Variants in TRIM47 observed in about 807,000 individuals in gnomAD.
TRIM47 encodes tripartite motif containing 47.
A neutral mutation model predicts 54.4 loss-of-function variants in TRIM47; 46 were observed. That is an observed-to-expected ratio of 0.84 (90% CI 0.67 to 1.08). The LOEUF (loss-of-function observed/expected upper bound fraction) is 1.08. TRIM47 is among the 50% of genes least tolerant of loss of function. The pLI is 0.00. For missense variants in TRIM47, 825 were observed against 910.1 expected (o/e 0.91, Z 1.20); for synonymous variants, 392 against 410.2 (o/e 0.96, Z 0.54).
Position 75,876,255 on chromosome 17 carries a change from C to T in TRIM47, c.1002+7G>A, listed in dbSNP as rs763319267. 12 of 1,600,786 alleles carry T rather than the reference C, an allele frequency of 7.5e-6. No homozygotes were observed. Among genetic ancestry groups the T allele is most frequent in the Non-Finnish European group, 1.0e-5 (12 of 1,175,484 alleles). On this transcript the variant is annotated splice_region_variant and intron_variant, in intron 3 of 5. Transcript: ENST00000254816. ...GTTCCTTCCGTGGCCCCCAGAGCGG[C>T]CTTCACCTGCAGGAAGCTGACTGAG...
intron 1 of TRIM47, 142 bp downstream of exon 1, chr17:75,877,732 T>A: frequency 8.1e-7 from 1 of 1,242,172 alleles, no homozygotes; most frequent in Non-Finnish European, 1.0e-6. Context: ...TTGTCAAGGC[T>A]GGAAGGGACC....
Position 75,874,898 on chromosome 17 carries a change from T to A in TRIM47, c.1502A>T (p.Asp501Val). ...GTCGTAGGGCTCTTGTGGGGAGAAG[T>A]CTTCGGCCATGACCCCCATGCTGAC... is the stretch of plus-strand genomic sequence containing the variant. ...GWVSMGVMAEDFSPQEPYDRG... is the reference protein window; with the variant it reads ...GWVSMGVMAEVFSPQEPYDRG... Residue 501 changes from aspartate to valine, a missense_variant, in exon 6 of 6, where the codon GAC (aspartate) becomes GTC (valine). Transcript: ENST00000254816. The surrounding 1 kb of genome is among the most constrained non-coding windows in gnomAD (Gnocchi z 6.2). 6.2e-7 allele frequency: 1 copy of A among 1,614,038 alleles called. No homozygotes were observed. Among genetic ancestry groups the A allele is most frequent in the Non-Finnish European group, 8.5e-7 (1 of 1,179,972 alleles).
rs1366923654 is a variant in TRIM47, at chr17:75,876,335, T to C, written c.929A>G (p.Gln310Arg). 6.2e-7 allele frequency: 1 copy of C among 1,611,534 alleles called. No homozygotes were observed. The highest frequency in any genetic ancestry group is 1.7e-5 in the Admixed American group (1 of 60,002). Residue 310 changes from glutamine (Q) to arginine (R), a missense_variant, in exon 3 of 6, where the codon CAG becomes CGG. By Grantham distance (43) the Gln-to-Arg change is conservative. Transcript: ENST00000254816. ...SQGDLRRQEE[Q>R]RSRLSRARQN... ...GCGGGCTCGGCTCAGGCGGCTGCGC[T>C]GTTCCTCCTGTCGCCGCAGGTCACC...
Position 75,875,044 on chromosome 17 carries a change from C to T in TRIM47, c.1356G>A (p.Val452=). Residue 452 remains valine (V), a synonymous_variant, in exon 6 of 6, where the codon GTG becomes GTA. Coordinates refer to ENST00000254816, the MANE Select transcript of TRIM47 (RefSeq NM_033452.3). The surrounding 1 kb of genome is among the most constrained non-coding windows in gnomAD (Gnocchi z 6.1). ...ACAAGGGGTAGTTGATAGGACACAG[C>T]ACCCTCTTGACACCTTTGGTTCCAA... is the stretch of plus-strand genomic sequence containing the variant. The part of the protein sequence containing the change: ...QLFGTKGVKR[V]LCPINYPLSP... 1 of 1,613,824 alleles carries T rather than the reference C, an allele frequency of 6.2e-7. No homozygotes were observed. Among genetic ancestry groups the T allele is most frequent in the Non-Finnish European group, 8.5e-7 (1 of 1,179,742 alleles).
At position 75,878,044 on chromosome 17, in the gene TRIM47, G is replaced by A. The variant is rs1226424791; in HGVS notation, c.505C>T (p.Arg169Cys). 2 of 1,407,026 alleles carry A rather than the reference G, an allele frequency of 1.4e-6. No homozygotes were observed. Among genetic ancestry groups the A allele is most frequent in the Non-Finnish European group, 1.8e-6 (2 of 1,083,946 alleles). 87.2% of individuals were successfully genotyped at this position (1,407,026 alleles called of 1,614,324 possible). The change falls in exon 1 of 6, where the codon CGC becomes TGC. Residue 169 changes from arginine to cysteine, a missense_variant. Coordinates refer to ENST00000254816, the MANE Select transcript of TRIM47 (RefSeq NM_033452.3). ...HERSPALRGH[R>C]LVPPLRRLEE... ...AGCCGGCGCAGCGGCGGCACCAGGCGGTGTCCGCGGAGGGCGGGGCTGCGC... is the reference window on the plus strand; with the variant it reads ...AGCCGGCGCAGCGGCGGCACCAGGCAGTGTCCGCGGAGGGCGGGGCTGCGC...
chr17:75,875,582 G>A lies in TRIM47; in HGVS notation c.1202-108C>T, dbSNP rs2065128510. On this transcript the variant is annotated intron_variant, in intron 4 of 5. Coordinates refer to ENST00000254816, the MANE Select transcript of TRIM47 (RefSeq NM_033452.3). This position sits in a 1 kb window ranked among gnomAD's most constrained non-coding sequence, Gnocchi z 6.1. Reference sequence around the variant, plus strand: ...TCCTCCCAGAGTCCAGAGCCACCAGGGAGCAAGCACCACCCAGATGTGGCA... The same window carrying A: ...TCCTCCCAGAGTCCAGAGCCACCAGAGAGCAAGCACCACCCAGATGTGGCA... 13 of 1,029,134 alleles carry A rather than the reference G, an allele frequency of 1.3e-5. No homozygotes were observed. The South Asian group carries it at 1.3e-4, about 11-fold the overall frequency. The allele number at this position is 1,029,134 out of a possible 1,614,324, so 63.8% of individuals were successfully genotyped here.
Position 75,877,989 on chromosome 17 carries a change from C to G in TRIM47, c.560G>C (p.Arg187Pro). 2 of 1,466,156 alleles carry G rather than the reference C, an allele frequency of 1.4e-6. No homozygotes were observed. The highest frequency in any genetic ancestry group is 2.6e-5 in the South Asian group (2 of 76,950). 90.8% of individuals were successfully genotyped at this position (1,466,156 alleles called of 1,614,324 possible). A position where few individuals can be genotyped will look rare whatever the true frequency, so the allele number is the denominator to read the frequency against. The stretch of plus-strand genomic sequence containing the variant: ...CGCGCGGCAGTAGCGCTCGAGCGGC[C>G]GTAGGTGGCGCGGGCACAGGCTCTC... ...LEESLCPRHL[R>P]PLERYCRAER... Residue 187 changes from arginine to proline, a missense_variant, in exon 1 of 6, where the codon CGG (arginine) becomes CCG (proline). Arg to Pro is a moderately radical substitution (Grantham distance 103). Transcript: ENST00000254816.
intron 1 of TRIM47, chr17:75,877,654 G>A: frequency 8.2e-7 from 1 of 1,225,244 alleles, no homozygotes; most frequent in Non-Finnish European, 1.0e-6. Context: ...CCCGCTCTTC[G>A]CGTCCTTGTC....
Position 75,875,707 on chromosome 17 carries a change from GC to G in TRIM47, c.1201+193del. ...GGAGCTAGAGGGTGGGCTAGGAGAA[GC>G]CCCCTCTACCCCAGGTCCAAGGGGC... On this transcript the variant is annotated intron_variant, in intron 4 of 5. Coordinates refer to ENST00000254816, the MANE Select transcript of TRIM47 (RefSeq NM_033452.3). This position sits in a 1 kb window ranked among gnomAD's most constrained non-coding sequence, Gnocchi z 6.1. 1 of 747,582 alleles carries G rather than the reference GC, an allele frequency of 1.3e-6. No homozygotes were observed. The highest frequency in any genetic ancestry group is 2.2e-6 in the Non-Finnish European group (1 of 462,730). 46.3% of individuals were successfully genotyped at this position (747,582 alleles called of 1,614,324 possible).
rs1346598764 is a variant in TRIM47, at chr17:75,878,024, G to A, written c.525C>T (p.Arg175=). The change falls in exon 1 of 6, where the codon CGC becomes CGT. Residue 175 remains arginine, a synonymous_variant. Coordinates refer to ENST00000254816, the MANE Select transcript of TRIM47 (RefSeq NM_033452.3). ...GCGGGCACAGGCTCTCCTCTAGCCG[G>A]CGCAGCGGCGGCACCAGGCGGTGTC... The part of the protein sequence containing the change: ...LRGHRLVPPL[R]RLEESLCPRH... 2 of 1,435,350 alleles carry A rather than the reference G, an allele frequency of 1.4e-6. No homozygotes were observed. Among genetic ancestry groups the A allele is most frequent in the East Asian group, 3.0e-5 (1 of 33,328 alleles). The allele number at this position is 1,435,350 out of a possible 1,614,324, so 88.9% of individuals were successfully genotyped here.
Position 75,875,024 on chromosome 17 carries a change from G to A in TRIM47, c.1376C>T (p.Pro459Leu). The change falls in exon 6 of 6, where the codon CCC (proline) becomes CTC (leucine). Residue 459 changes from proline (P) to leucine (L), a missense_variant. Physicochemically the swap from Pro to Leu is moderately conservative, Grantham distance 98. Coordinates refer to ENST00000254816, the MANE Select transcript of TRIM47 (RefSeq NM_033452.3). This position sits in a 1 kb window ranked among gnomAD's most constrained non-coding sequence, Gnocchi z 6.1. ...ATGGGTGAAGCGGGTGGGCGACAAG[G>A]GGTAGTTGATAGGACACAGCACCCT... ...VKRVLCPINY[P>L]LSPTRFTHCE... 1 of 1,614,108 alleles carries A rather than the reference G, an allele frequency of 6.2e-7. No individual in the cohort carries two copies. Among genetic ancestry groups the A allele is most frequent in the Admixed American group, 1.7e-5 (1 of 60,018 alleles).
rs2143979434 is a variant in TRIM47 at position 75,877,960 on chromosome 17, G to A, written c.589C>T (p.Arg197Cys). 3.4e-6 allele frequency: 5 copies of A among 1,456,012 alleles called. No homozygotes were observed. The highest frequency in any genetic ancestry group is 2.5e-5 in the Admixed American group (1 of 40,764). 90.2% of individuals were successfully genotyped at this position (1,456,012 alleles called of 1,614,324 possible). A position where few individuals can be genotyped will look rare whatever the true frequency, so the allele number is the denominator to read the frequency against. The change falls in exon 1 of 6, where the codon CGC becomes TGC. Residue 197 changes from arginine (R) to cysteine (C), a missense_variant. Arg to Cys is a radical substitution (Grantham distance 180, BLOSUM62 -3). Transcript: ENST00000254816. ...RPLERYCRAE[R>C]VCLCEACAAQ... ...GCGCAGGCCTCGCACAGACACACGC[G>A]CTCCGCGCGGCAGTAGCGCTCGAGC...
Position 75,875,180 on chromosome 17 carries a change from G to T in TRIM47, c.1277-57C>A. ...CTCAGGGCCAGGCTCAGAGGGCACG[G>T]CCCCTCCCCAAGTACCCACCCCCCC... On this transcript the variant is annotated intron_variant, in intron 5 of 5. Transcript: ENST00000254816. The surrounding 1 kb of genome is among the most constrained non-coding windows in gnomAD (Gnocchi z 6.1). 6.5e-7 allele frequency: 1 copy of T among 1,532,788 alleles called. No homozygotes were observed. Among genetic ancestry groups the T allele is most frequent in the Non-Finnish European group, 8.8e-7 (1 of 1,140,534 alleles). The allele number at this position is 1,532,788 out of a possible 1,614,324, so 94.9% of individuals were successfully genotyped here.
chr17:75,876,077 G>A lies in TRIM47; in HGVS notation c.1025C>T (p.Ala342Val). Residue 342 changes from alanine (A) to valine (V), a missense_variant, in exon 4 of 6, where the codon GCC becomes GTC. Physicochemically the swap from Ala to Val is moderately conservative, Grantham distance 64 (BLOSUM62 0). Coordinates refer to ENST00000254816, the MANE Select transcript of TRIM47 (RefSeq NM_033452.3). ...CCCAGGGCCACACCCATCCTCCAGG[G>A]CCAGCCTTAGTGCCAGCAGCTCCTG... is the stretch of plus-strand genomic sequence containing the variant. ...FLQELLALRL[A>V]LEDGCGPGPG... 1 of 1,601,270 alleles carries A rather than the reference G, an allele frequency of 6.2e-7. No individual in the cohort carries two copies. The highest frequency in any genetic ancestry group is 8.5e-7 in the Non-Finnish European group (1 of 1,179,942).
Position 75,874,582 on chromosome 17 carries a change from G to A in TRIM47, c.1818C>T (p.Thr606=), listed in dbSNP as rs780565663. Residue 606 remains threonine (T), a synonymous_variant, in exon 6 of 6, where the codon ACC becomes ACT. Coordinates refer to ENST00000254816, the MANE Select transcript of TRIM47 (RefSeq NM_033452.3). The surrounding 1 kb of genome is among the most constrained non-coding windows in gnomAD (Gnocchi z 6.2). ...RLDSHFAGLF[T]HRLKPAFFLE... Reference sequence around the variant, plus strand: ...GGAAGAAGGCAGGCTTGAGTCTGTGGGTGAAGAGCCCCGCAAAGTGACTGT... The same window carrying A: ...GGAAGAAGGCAGGCTTGAGTCTGTGAGTGAAGAGCCCCGCAAAGTGACTGT... 31 of 1,541,412 alleles carry A rather than the reference G, an allele frequency of 2.0e-5. No homozygotes were observed. In the Admixed American group the frequency reaches 6.4e-4, roughly 32 times the overall value.
Position 75,875,063 on chromosome 17 carries a change from G to A in TRIM47, c.1337C>T (p.Thr446Ile). Residue 446 changes from threonine (T) to isoleucine (I), a missense_variant, in exon 6 of 6, where the codon ACC (threonine) becomes ATC (isoleucine). Thr to Ile is a moderately conservative substitution (Grantham distance 89). Transcript: ENST00000254816. The surrounding 1 kb of genome is among the most constrained non-coding windows in gnomAD (Gnocchi z 6.1). ...ACACAGCACCCTCTTGACACCTTTG[G>A]TTCCAAACAGCTGCAGGAACTTGTC... is the stretch of plus-strand genomic sequence containing the variant. ...TADKFLQLFG[T>I]KGVKRVLCPI... 6.2e-7 allele frequency: 1 copy of A among 1,610,914 alleles called. No homozygotes were observed. The highest frequency in any genetic ancestry group is 8.5e-7 in the Non-Finnish European group (1 of 1,177,348).
chr17:75,877,603 C>G, intron 1 of TRIM47: 1 of 1,120,296 alleles, frequency 8.9e-7, no homozygotes, highest in Non-Finnish European at 1.1e-6. Context: ...CTCCCTCCCG[C>G]CTACACCCCC....
intron 1 of TRIM47, 47 bp downstream of exon 1, chr17:75,877,827 G>A (rs1430785179): frequency 2.3e-6 from 3 of 1,289,930 alleles, no homozygotes; most frequent in South Asian, 2.3e-5. Context: ...GCTCGCGCGC[G>A]GTCGGTCACC....
In TRIM47 at chr17:75,875,517, C is replaced by T. The variant is rs768780804; in HGVS notation, c.1202-43G>A. The T allele has an allele frequency of 6.4e-7, 1 of 1,552,318 alleles. No homozygotes were observed. The highest frequency in any genetic ancestry group is 2.2e-5 in the East Asian group (1 of 44,512). On this transcript the variant is annotated intron_variant, in intron 4 of 5. Transcript: ENST00000254816. This position sits in a 1 kb window ranked among gnomAD's most constrained non-coding sequence, Gnocchi z 6.1. ...GTGGTGAGAACGCCCCCAGACTGCC[C>T]CCCTCTGAACCTGTGACTACAATCC...
Sources: allele counts gnomAD v4.1 joint callset, GRCh38; gene constraint gnomAD v4.1.1; non-coding constraint Gnocchi (gnomAD v3.1); transcripts MANE v1.5; gene names NCBI Gene and HGNC (gene_info 2026-07-23, HGNC 2026-07-21).